The following TASP1 variants were observed in gnomAD, a reference collection of about 807,000 sequenced individuals.
TASP1 encodes the protein taspase 1, also known as threonine aspartase 1.
A neutral mutation model predicts 56.6 loss-of-function variants in TASP1; 16 were observed. The observed-to-expected ratio is 0.28, with a 90% CI of 0.19 to 0.43. TASP1 has a LOEUF of 0.43. TASP1 is among the 20% of genes least tolerant of loss of function. The pLI is 1.00. For synonymous variants in TASP1, 179 were observed against 184.2 expected, an observed-to-expected ratio of 0.97 and a Z score of 0.23; for missense variants, 393 against 511.6, an observed-to-expected ratio of 0.77 and a Z score of 2.24.
intron 6 of TASP1, among the ~76,000 whole-genome samples, chr20:13,576,254 T>G (rs6105133): frequency 0.97 from 119,868 of 123,396 alleles, 58,176 homozygotes; most frequent in African/African-American, 0.98. Flanking sequence ...GAAGGGAAGA[T>G]AAGAGAAGAG....
At chr20:13,610,351 T>C (rs2048308366) in intron 4 of TASP1, among the ~76,000 whole-genome samples, 1 of 152,150 alleles carries the variant, frequency 6.6e-6, no homozygotes, top group South Asian at 2.1e-4. Context: ...GCAAGACTAA[T>C]ATATGGCAAT....
At chr20:13,218,648 A>T in the TASP1 span, among the ~76,000 whole-genome samples, 3 of 152,238 alleles carry the variant, frequency 2.0e-5, no homozygotes, top group African/African-American at 7.2e-5. Context: ...AATTTCATAA[A>T]TGTGCTTGAA....
At chr20:13,600,043 A>T (rs2047895905) in intron 4 of TASP1, among the ~76,000 whole-genome samples, 1 of 152,202 alleles carries the variant, frequency 6.6e-6, no homozygotes, top group South Asian at 2.1e-4. Flanking sequence ...TTATCATAGC[A>T]TCAAAACATG....
At chr20:13,249,196 G>T in the TASP1 span, among the ~76,000 whole-genome samples, 1 of 152,178 alleles carries the variant, frequency 6.6e-6, no homozygotes, top group Admixed American at 6.5e-5. Context: ...GGGAATCAGG[G>T]TTCCTAATGA....
chr20:13,410,612 C>T (rs1490574885), intron 13 of TASP1, among the ~76,000 whole-genome samples: 1 of 152,054 alleles, frequency 6.6e-6, no homozygotes, highest in Non-Finnish European at 1.5e-5. Context: ...TGTCTGTTGG[C>T]CATTTGTATG....
chr20:13,632,364 CAAAAAAAAAA>C (rs565886595), intron 1 of TASP1, among the ~76,000 whole-genome samples: 1 of 47,990 alleles, frequency 2.1e-5, no homozygotes, highest in Admixed American at 2.3e-4. Flanking sequence ...GACTCCATCT[CAAAAAAAAAA>C]AAAAAGAAAA....
the TASP1 span, among the ~76,000 whole-genome samples, chr20:13,207,932 A>G: frequency 6.6e-6 from 1 of 152,198 alleles, no homozygotes; most frequent in Non-Finnish European, 1.5e-5. Context: ...AATTTACCAC[A>G]GGATTCCTGG....
At chr20:13,588,726 T>C (rs1468289934) in intron 4 of TASP1, among the ~76,000 whole-genome samples, 1 of 152,210 alleles carries the variant, frequency 6.6e-6, no homozygotes, top group Admixed American at 6.5e-5. Context: ...GTTGTTACAA[T>C]GGCAATACTC....
chr20:13,339,099 T>A, the TASP1 span, among the ~76,000 whole-genome samples: 19 of 152,170 alleles, frequency 1.2e-4, no homozygotes, highest in Non-Finnish European at 2.4e-4. Flanking sequence ...AATTGGTAAA[T>A]CTGCTGAGTT....
the TASP1 span, among the ~76,000 whole-genome samples, chr20:13,355,694 G>A: frequency 3.3e-5 from 5 of 152,196 alleles, no homozygotes; most frequent in Non-Finnish European, 1.5e-5. Flanking sequence ...GATGGCAAAG[G>A]TGCCTTTGGA....
the TASP1 span, among the ~76,000 whole-genome samples, chr20:13,141,585 C>T: frequency 9.2e-4 from 140 of 152,262 alleles, no homozygotes; most frequent in African/African-American, 3.3e-3. Context: ...AAATTCCGCC[C>T]AAAATGTACT....
chr20:13,545,680 T>C (rs376615816), intron 8 of TASP1, among the ~76,000 whole-genome samples: 1 of 152,000 alleles, frequency 6.6e-6, no homozygotes, highest in Non-Finnish European at 1.5e-5. Flanking sequence ...GGAACACACA[T>C]GGCCAGTCAG....
At chr20:13,196,190 G>A in the TASP1 span, among the ~76,000 whole-genome samples, 1 of 152,098 alleles carries the variant, frequency 6.6e-6, no homozygotes, top group Non-Finnish European at 1.5e-5. Context: ...CTATTAAACT[G>A]ACCATTTCAA....
At chr20:13,227,487 G>A in the TASP1 span, among the ~76,000 whole-genome samples, 7 of 147,608 alleles carry the variant, frequency 4.7e-5, no homozygotes, top group African/African-American at 7.6e-5. Context: ...ACAGGTGTGA[G>A]CCACCATGCC....
intron 2 of TASP1, among the ~76,000 whole-genome samples, chr20:13,626,014 C>T (rs755296021): frequency 1.3e-5 from 2 of 152,114 alleles, no homozygotes; most frequent in Admixed American, 6.5e-5. Context: ...AGACAAGAGC[C>T]CTTAAACTCT....
In TASP1 at chr20:13,611,970, A is replaced by T. The variant is rs534727678; in HGVS notation, c.282+11476T>A. 2.0e-5 allele frequency among the ~76,000 whole-genome samples: 3 copies of T among 152,090 alleles called. No individual in the cohort carries two copies. In the South Asian group the frequency reaches 6.2e-4, roughly 32 times the overall value. Reference sequence around the variant, plus strand: ...CAATCTCTGGCCTACATCACTTTGTAAGATTAAGAAGGTCTCAAGCTTCTT... The same window carrying T: ...CAATCTCTGGCCTACATCACTTTGTTAGATTAAGAAGGTCTCAAGCTTCTT... On this transcript the variant is annotated intron_variant, in intron 4 of 13. Coordinates refer to ENST00000337743, the MANE Select transcript of TASP1 (RefSeq NM_017714.3).
At chr20:13,336,773 T>C in the TASP1 span, among the ~76,000 whole-genome samples, 3 of 152,128 alleles carry the variant, frequency 2.0e-5, no homozygotes, top group Non-Finnish European at 4.4e-5. Context: ...CTCAAAAATC[T>C]CAACTATGAG....
the TASP1 span, among the ~76,000 whole-genome samples, chr20:13,312,090 T>C: frequency 6.6e-6 from 1 of 152,216 alleles, no homozygotes; most frequent in Non-Finnish European, 1.5e-5. Flanking sequence ...AAAGAACATA[T>C]ATATATCTTA....
At chr20:13,331,721 A>C in the TASP1 span, among the ~76,000 whole-genome samples, 1 of 149,588 alleles carries the variant, frequency 6.7e-6, no homozygotes, top group African/African-American at 2.5e-5. Context: ...CCTGGTGACT[A>C]ATACAAATTC....
Sources: allele counts gnomAD v4.1 joint callset (sites outside exome capture counted in the v4.1 genomes callset), GRCh38; gene constraint gnomAD v4.1.1; transcripts MANE v1.5; gene names NCBI Gene and HGNC (gene_info 2026-07-23, HGNC 2026-07-21).